SNX27: variants seen among roughly 807,000 people sequenced by gnomAD.
SNX27 encodes the protein sorting nexin-27.
A neutral mutation model predicts 71.6 loss-of-function variants in SNX27; 22 were observed. That is an observed-to-expected ratio of 0.31 (90% CI 0.22 to 0.44). The LOEUF (loss-of-function observed/expected upper bound fraction) is 0.44, where lower values mean the gene tolerates loss of function less well. Among genes scored for constraint, SNX27 ranks in the 20% least tolerant of loss-of-function variants. The pLI, the probability that SNX27 is intolerant of heterozygous loss-of-function variation, is 1.00. For synonymous variants in SNX27, 269 were observed against 277.2 expected (o/e 0.97, Z 0.29); for missense variants, 531 against 698.6 (o/e 0.76, Z 2.70).
Position 151,612,390 on chromosome 1 carries a change from G to C in SNX27, c.189G>C (p.Glu63Asp). 1 of 1,531,630 alleles carries C rather than the reference G, an allele frequency of 6.5e-7. No homozygotes were observed. Among genetic ancestry groups the C allele is most frequent in the Non-Finnish European group, 8.8e-7 (1 of 1,141,894 alleles). 94.9% of individuals were successfully genotyped at this position (1,531,630 alleles called of 1,614,324 possible). The change falls in exon 1 of 12, where the codon GAG becomes GAC. Residue 63 changes from glutamate (E) to aspartate (D), a missense_variant. Glu to Asp is a conservative substitution (Grantham distance 45). Coordinates refer to ENST00000458013, the MANE Select transcript of SNX27 (RefSeq NM_001330723.2). The surrounding 1 kb of genome is among the most constrained non-coding windows in gnomAD (Gnocchi z 5.2). ...YGFNVRGQVS[E>D]GGQLRSINGE... ...TCAACGTGCGGGGCCAAGTGAGCGAGGGCGGGCAACTGCGGAGCATCAACG... is the reference window on the plus strand; with the variant it reads ...TCAACGTGCGGGGCCAAGTGAGCGACGGCGGGCAACTGCGGAGCATCAACG...
Position 151,651,498 on chromosome 1 carries a change from G to A in SNX27, c.544-6737G>A, listed in dbSNP as rs1428663088. ...TCACTTCTCAGACGAGGCGGTTGCC[G>A]GGCAGAGGGTCTCCTCACTTCTCAG... is the stretch of plus-strand genomic sequence containing the variant. On this transcript the variant is annotated intron_variant, in intron 2 of 11. Transcript: ENST00000458013. Among the ~76,000 whole-genome samples, 6 of 149,682 alleles carry A rather than the reference G, an allele frequency of 4.0e-5. 1 individual carries two copies. The highest frequency in any genetic ancestry group is 9.7e-5 in the African/African-American group (4 of 41,156).
intron 7 of SNX27, among the ~76,000 whole-genome samples, chr1:151,672,557 G>A (rs1442808939): frequency 2.0e-5 from 3 of 151,934 alleles, no homozygotes; most frequent in Non-Finnish European, 4.4e-5. Flanking sequence ...GAAATAGTTT[G>A]CCTAGAATTG....
At chr1:151,671,268 C>CTT (rs1670443759) in intron 7 of SNX27, among the ~76,000 whole-genome samples, 1 of 148,978 alleles carries the variant, frequency 6.7e-6, no homozygotes, top group African/African-American at 2.5e-5. Flanking sequence ...GACAGGGTCT[C>CTT]GCTTTGTCAC....
At chr1:151,633,725 C>T (rs575459789) in intron 1 of SNX27, among the ~76,000 whole-genome samples, 92 of 152,282 alleles carry the variant, frequency 6.0e-4, no homozygotes, top group African/African-American at 2.0e-3. Context: ...GAGTCGGATT[C>T]TTTTCTGTCT....
At chr1:151,693,615 A>G (rs749868798) in intron 11 of SNX27, 132 bp downstream of exon 11, 6 of 1,613,840 alleles carry the variant, frequency 3.7e-6, no homozygotes, top group Non-Finnish European at 3.4e-6. Context: ...GAGACTGATT[A>G]TCTCATGTGA....
chr1:151,650,388 T>G (rs1387433052), intron 2 of SNX27, among the ~76,000 whole-genome samples: 1 of 152,112 alleles, frequency 6.6e-6, no homozygotes, highest in Non-Finnish European at 1.5e-5. Flanking sequence ...TAGGTGTTTG[T>G]TTCTTATTTG....
intron 2 of SNX27, among the ~76,000 whole-genome samples, chr1:151,643,264 T>TTTTATTTATTTATTTATTTA (rs201505831): frequency 1.9e-4 from 27 of 139,192 alleles, no homozygotes; most frequent in South Asian, 9.5e-4. Flanking sequence ...ACGCCTGGCC[T>TTTTATTTATTTATTTATTTA]TTTATTTATT....
chr1:151,687,686 C>T lies in SNX27; in HGVS notation c.1239+4241C>T, dbSNP rs1330564578. On this transcript the variant is annotated intron_variant, in intron 8 of 11. Transcript: ENST00000458013. The stretch of plus-strand genomic sequence containing the variant: ...ACTGTCGGCCTGGCGCGGTGGCTCA[C>T]GCCTATAATCCCAGCACTTTGGGAG... Among the ~76,000 whole-genome samples, 3 of 152,144 alleles carry T rather than the reference C, an allele frequency of 2.0e-5. No homozygotes were observed. The East Asian group carries it at 5.8e-4, about 29-fold the overall frequency.
chr1:151,657,868 G>A (rs1165414951), intron 2 of SNX27, among the ~76,000 whole-genome samples: 1 of 152,078 alleles, frequency 6.6e-6, no homozygotes, highest in African/African-American at 2.4e-5. Flanking sequence ...AGGTATGGTG[G>A]CGGATGCCTG....
intron 1 of SNX27, among the ~76,000 whole-genome samples, chr1:151,632,673 T>G (rs879884235): frequency 2.0e-5 from 3 of 152,126 alleles, no homozygotes; most frequent in Admixed American, 6.6e-5. Flanking sequence ...AGCATATATT[T>G]TATTTAAGCA....
chr1:151,694,455 C>T lies in SNX27; in HGVS notation c.*38C>T. ...CCCTTCCCTTCCCTTCACCCCCATC[C>T]TCTTACTCCTTTCATGTCCCATTTC... On this transcript the variant is annotated 3_prime_UTR_variant, in exon 12 of 12. Coordinates refer to ENST00000458013, the MANE Select transcript of SNX27 (RefSeq NM_001330723.2). 2 of 1,533,842 alleles carry T rather than the reference C, an allele frequency of 1.3e-6. No individual in the cohort carries two copies. The highest frequency in any genetic ancestry group is 1.2e-5 in the South Asian group (1 of 82,512).
rs926387011 is a variant in SNX27, at chr1:151,698,486, T to C, written c.*4069T>C. On this transcript the variant is annotated 3_prime_UTR_variant, in exon 12 of 12. Transcript: ENST00000458013. ...TACTGCTGTTTCTTCACCAGCTTCA[T>C]TGTGTCACAGTAGCTTCCTTTGGGA... is the stretch of plus-strand genomic sequence containing the variant. 1 of 152,486 alleles carries C rather than the reference T, an allele frequency of 6.6e-6. No individual in the cohort carries two copies. The highest frequency in any genetic ancestry group is 2.4e-5 in the African/African-American group (1 of 41,466). The allele number at this position is 152,486 out of a possible 1,614,324, so 9.4% of individuals were successfully genotyped here. A position where few individuals can be genotyped will look rare whatever the true frequency, so the allele number is the denominator to read the frequency against.
intron 6 of SNX27, chr1:151,666,295 A>C (rs1435206421): frequency 3.9e-6 from 1 of 255,730 alleles, no homozygotes; most frequent in Non-Finnish European, 7.4e-6. Context: ...CCAATAAAAC[A>C]GGCTTAAAAA....
intron 7 of SNX27, chr1:151,678,388 A>T (rs1448032827): frequency 6.6e-6 from 1 of 152,244 alleles, no homozygotes; most frequent in Non-Finnish European, 1.5e-5. Flanking sequence ...TTCACTTAAC[A>T]TAATGGCCTC....
At chr1:151,666,927 A>G (rs181966582) in intron 6 of SNX27, 3 of 152,220 alleles carry the variant, frequency 2.0e-5, no homozygotes, top group African/African-American at 7.2e-5. Context: ...TTCACTTTCT[A>G]TAAAATGGAA....
chr1:151,687,131 C>G (rs927528758), intron 8 of SNX27, among the ~76,000 whole-genome samples: 1 of 152,178 alleles, frequency 6.6e-6, no homozygotes, highest in African/African-American at 2.4e-5. Context: ...TCCTTCCTCC[C>G]TCCCTCCCTT....
chr1:151,639,023 G>C lies in SNX27; in HGVS notation c.447G>C (p.Ser149=). Residue 149 remains serine (S), a synonymous_variant, in exon 2 of 12, where the codon TCG becomes TCC. Coordinates refer to ENST00000458013, the MANE Select transcript of SNX27 (RefSeq NM_001330723.2). ...EADNLDPSDD[S]LGQSFYDYTE... is the part of the protein sequence containing the mutation. Reference sequence around the variant, plus strand: ...ATAACCTAGATCCCAGTGACGACTCGTTGGGACAATCATTTTATGATTACA... The same window carrying C: ...ATAACCTAGATCCCAGTGACGACTCCTTGGGACAATCATTTTATGATTACA... The C allele has an allele frequency of 6.2e-7, 1 of 1,614,136 alleles. No homozygotes were observed. The highest frequency in any genetic ancestry group is 8.5e-7 in the Non-Finnish European group (1 of 1,180,034).
chr1:151,662,856 G>A (rs1208849265), intron 5 of SNX27: 1 of 151,362 alleles, frequency 6.6e-6, no homozygotes, highest in East Asian at 1.9e-4. Flanking sequence ...TCTCCATATA[G>A]TAATCATTTA....
At chr1:151,641,873 T>TGA (rs34169801) in intron 2 of SNX27, among the ~76,000 whole-genome samples, 10 of 132,604 alleles carry the variant, frequency 7.5e-5, no homozygotes, top group South Asian at 2.3e-4. Context: ...TAGATATATA[T>TGA]GATATATATA....
Sources: allele counts gnomAD v4.1 joint callset (sites outside exome capture counted in the v4.1 genomes callset), GRCh38; gene constraint gnomAD v4.1.1; non-coding constraint Gnocchi (gnomAD v3.1); transcripts MANE v1.5; gene names NCBI Gene and HGNC (gene_info 2026-07-23, HGNC 2026-07-21).